The following DIP2A variants were observed in gnomAD, a reference collection of about 807,000 sequenced individuals.
The protein encoded by DIP2A is disco-interacting protein 2 homolog A.
A neutral mutation model predicts 177.4 loss-of-function variants in DIP2A; 85 were observed. The ratio of observed to expected loss-of-function variants is 0.48; its 90% CI spans 0.40 to 0.57. The LOEUF is 0.57. Among genes scored for constraint, DIP2A ranks in the 20% least tolerant of loss-of-function variants. The pLI, the probability that DIP2A is intolerant of heterozygous loss-of-function variation, is 0.00. For synonymous variants in DIP2A, 886 were observed against 881.8 expected (o/e 1.00, Z -0.08); for missense variants, 1,791 against 2,100.2 (o/e 0.85, Z 2.88).
intron 6 of DIP2A, among the ~76,000 whole-genome samples, chr21:46,506,719 C>A (rs1759974232): frequency 2.0e-5 from 1 of 50,086 alleles, no homozygotes; most frequent in Admixed American, 2.1e-4. Flanking sequence ...TTTAATTGTG[C>A]TTGTTTTTCT....
intron 2 of DIP2A, among the ~76,000 whole-genome samples, chr21:46,487,316 C>T (rs1288940036): frequency 6.6e-6 from 1 of 152,174 alleles, no homozygotes; most frequent in African/African-American, 2.4e-5. Context: ...AAAACAAACT[C>T]AGAGTAAAAT....
Position 46,565,880 on chromosome 21 carries a change from C to T in DIP2A, c.4332C>T (p.Ala1444=). Residue 1444 remains alanine (A), a synonymous_variant, in exon 36 of 38, where the codon GCC becomes GCT. Transcript: ENST00000417564. The part of the protein sequence containing the change: ...GFLRRTELTD[A]SGGRHDALYV... ...TTCGGCGAACAGAGCTCACTGATGC[C>T]AGTGGAGGTGAGGGGTTGTGGTGAA... The T allele has an allele frequency of 6.2e-7, 1 of 1,613,868 alleles. No homozygotes were observed. Among genetic ancestry groups the T allele is most frequent in the Middle Eastern group, 1.7e-4 (1 of 5,988 alleles).
chr21:46,573,645 C>CAAAAAAAAAA (rs201994694), downstream of DIP2A, among the ~76,000 whole-genome samples: 35 of 52,964 alleles, frequency 6.6e-4, no homozygotes, highest in African/African-American at 7.9e-4. Flanking sequence ...CCCTCTCTCA[C>CAAAAAAAAAA]AAAAAAAAAA....
chr21:46,462,217 G>A (rs766111298), intron 1 of DIP2A, among the ~76,000 whole-genome samples: 1 of 152,220 alleles, frequency 6.6e-6, no homozygotes, highest in Admixed American at 6.5e-5. Context: ...ACGTGGACCT[G>A]CTTCCAGGGC....
intron 8 of DIP2A, among the ~76,000 whole-genome samples, chr21:46,524,987 A>C (rs1652608709): frequency 1.4e-5 from 2 of 145,678 alleles, no homozygotes; most frequent in African/African-American, 5.2e-5. Flanking sequence ...TCCGGATCAA[A>C]CAATTATTAC....
At chr21:46,552,376 T>C (rs749674723) in intron 25 of DIP2A, among the ~76,000 whole-genome samples, 1 of 152,238 alleles carries the variant, frequency 6.6e-6, no homozygotes, top group Non-Finnish European at 1.5e-5. Context: ...AATTCTCATG[T>C]GTTTCAAGTT....
At chr21:46,467,035 G>T (rs1186408342) in intron 1 of DIP2A, among the ~76,000 whole-genome samples, 1 of 151,970 alleles carries the variant, frequency 6.6e-6, no homozygotes, top group Non-Finnish European at 1.5e-5. Flanking sequence ...GGTGGCTCAC[G>T]CCTGTAATCC....
intron 1 of DIP2A, among the ~76,000 whole-genome samples, chr21:46,475,405 A>G (rs182202749): frequency 2.0e-5 from 3 of 152,342 alleles, no homozygotes; most frequent in Admixed American, 2.0e-4. Flanking sequence ...TATGTCCTGA[A>G]TGCATGTTCA....
chr21:46,472,842 GA>G (rs1231121899), intron 1 of DIP2A, among the ~76,000 whole-genome samples: 1 of 152,168 alleles, frequency 6.6e-6, no homozygotes, highest in Non-Finnish European at 1.5e-5. Flanking sequence ...AGTAAGGCAG[GA>G]GGGGTGCTGG....
intron 18 of DIP2A, among the ~76,000 whole-genome samples, chr21:46,544,484 A>G (rs1250402038): frequency 2.0e-5 from 3 of 152,196 alleles, no homozygotes; most frequent in Non-Finnish European, 4.4e-5. Context: ...TCTTGGGGAA[A>G]AACATCTGCG....
At chr21:46,464,817 C>CTCTTTTTTTTTT (rs2054651863) in intron 1 of DIP2A, among the ~76,000 whole-genome samples, 4 of 73,442 alleles carry the variant, frequency 5.4e-5, no homozygotes, top group Non-Finnish European at 7.4e-5. Flanking sequence ...ATATTCATGT[C>CTCTTTTTTTTTT]TTTTTTTTTT....
chr21:46,576,922 GTCT>G, the DIP2A span, among the ~76,000 whole-genome samples: 1 of 152,266 alleles, frequency 6.6e-6, no homozygotes, highest in East Asian at 1.9e-4. Flanking sequence ...CCGCATGAAT[GTCT>G]TCTTTTGACA....
chr21:46,519,583 C>A (rs1172092524), intron 8 of DIP2A, among the ~76,000 whole-genome samples: 2 of 152,124 alleles, frequency 1.3e-5, no homozygotes, highest in African/African-American at 4.8e-5. Flanking sequence ...AGTCAGAAAG[C>A]ATCAGTATGG....
rs200136063 is a variant in DIP2A, at chr21:46,537,441, C to G, written c.1708-5C>G. The G allele has an allele frequency of 2.5e-4, 403 of 1,614,084 alleles. 1 individual carries two copies. In the East Asian group the frequency reaches 6.5e-3, roughly 26 times the overall value. On this transcript the variant is annotated splice_polypyrimidine_tract_variant and splice_region_variant and intron_variant, in intron 14 of 37. Transcript: ENST00000417564. This position sits in a 1 kb window ranked among gnomAD's most constrained non-coding sequence, Gnocchi z 4.1. ...CTCGCCCTAAGCATGTGTGCTCCCC[C>G]ACAGAGCGTCATGAACAGGATGCAC...
At position 46,554,259 on chromosome 21, in the gene DIP2A, G is replaced by C; in HGVS notation, c.3121G>C (p.Val1041Leu). The C allele has an allele frequency of 6.2e-7, 1 of 1,613,960 alleles. No homozygotes were observed. Among genetic ancestry groups the C allele is most frequent in the Non-Finnish European group, 8.5e-7 (1 of 1,179,856 alleles). The change falls in exon 26 of 38, where the codon GTT becomes CTT. Residue 1041 changes from valine to leucine, a missense_variant. By Grantham distance (32) the Val-to-Leu change is conservative (BLOSUM62 1). Coordinates refer to ENST00000417564, the MANE Select transcript of DIP2A (RefSeq NM_015151.4). ...AALMEKGRLSVGDHVALVYPP... is the reference protein window; with the variant it reads ...AALMEKGRLSLGDHVALVYPP... ...TCTGATGGAGAAGGGAAGACTGAGT[G>C]TTGGGGACCATGTGGCTCTGGTCTA...
chr21:46,470,491 G>T (rs1444852619), intron 1 of DIP2A, among the ~76,000 whole-genome samples: 4 of 151,602 alleles, frequency 2.6e-5, no homozygotes, highest in Admixed American at 6.6e-5. Context: ...AAAAAGGGGG[G>T]GCCAGGCACG....
chr21:46,472,887 C>G (rs781694320), intron 1 of DIP2A, among the ~76,000 whole-genome samples: 50 of 152,192 alleles, frequency 3.3e-4, no homozygotes, highest in Non-Finnish European at 5.4e-4. Flanking sequence ...CTGTTTAGAA[C>G]TTTCTGCTAC....
chr21:46,492,309 G>A (rs551595843), intron 3 of DIP2A, among the ~76,000 whole-genome samples: 4 of 152,084 alleles, frequency 2.6e-5, no homozygotes, highest in Admixed American at 6.6e-5. Context: ...ATAAATGCGC[G>A]CATCTATTTC....
chr21:46,576,814 A>G, the DIP2A span, among the ~76,000 whole-genome samples: 1 of 151,982 alleles, frequency 6.6e-6, no homozygotes, highest in Admixed American at 6.6e-5. Context: ...AATAGTTGCC[A>G]TTCTGACTGG....
Sources: allele counts gnomAD v4.1 joint callset (sites outside exome capture counted in the v4.1 genomes callset), GRCh38; gene constraint gnomAD v4.1.1; non-coding constraint Gnocchi (gnomAD v3.1); transcripts MANE v1.5; gene names NCBI Gene and HGNC (gene_info 2026-07-23, HGNC 2026-07-21).